Variants in PLB1 observed in about 807,000 individuals in gnomAD.
PLB1 encodes the protein phospholipase B1.
Under a neutral mutation model 227.4 loss-of-function variants are expected in PLB1, and 242 were observed. That is an observed-to-expected ratio of 1.06 (90% confidence interval 0.96 to 1.18). The LOEUF is 1.18. Among genes scored for constraint, PLB1 ranks in the 50% most tolerant of loss-of-function variants. The pLI is 0.00. For synonymous variants in PLB1, 757 were observed against 682.2 expected, an observed-to-expected ratio of 1.11 and a Z score of -1.71; for missense variants, 1,858 against 1,816.3, an observed-to-expected ratio of 1.02 and a Z score of -0.42.
chr2:28,534,734 G>A (rs1394311570), intron 9 of PLB1, among the ~76,000 whole-genome samples: 6 of 152,034 alleles, frequency 3.9e-5, no homozygotes, highest in Non-Finnish European at 7.4e-5. Context: ...GGCACCTGTA[G>A]TCCCAGCTAC....
At chr2:28,620,389 T>C in intron 47 of PLB1, 57 bp downstream of exon 47, 2 of 1,491,096 alleles carry the variant, frequency 1.3e-6, no homozygotes, top group Non-Finnish European at 1.8e-6. Context: ...GAGGTGTGAG[T>C]AGTGTGTTTC....
At chr2:28,582,542 C>T (rs1164330573) in intron 25 of PLB1, 37 bp downstream of exon 25, 1 of 1,512,108 alleles carries the variant, frequency 6.6e-7, no homozygotes, top group Non-Finnish European at 9.1e-7. Context: ...TACTAAGAAT[C>T]CTCACTGCTA....
Position 28,611,818 on chromosome 2 carries a change from C to T in PLB1, c.3130-2213C>T, listed in dbSNP as rs58227498. Among the ~76,000 whole-genome samples, 1,442 of 152,206 alleles carry T rather than the reference C, an allele frequency of 9.5e-3. 26 individuals carry two copies. Among genetic ancestry groups the T allele is most frequent in the African/African-American group, 0.033 (1,377 of 41,528 alleles). On this transcript the variant is annotated intron_variant, in intron 43 of 57. Coordinates refer to ENST00000327757, the MANE Select transcript of PLB1 (RefSeq NM_153021.5). ...TGTAGAGGGTCCAGGGCTCACTTCT[C>T]CCACTTGGCCCTGAGTACCTCTCCT...
At chr2:28,531,499 T>TG (rs1289053047) in intron 8 of PLB1, among the ~76,000 whole-genome samples, 1 of 152,074 alleles carries the variant, frequency 6.6e-6, no homozygotes, top group Non-Finnish European at 1.5e-5. Flanking sequence ...TTAATAGAGA[T>TG]GGGGTTTCTC....
At chr2:28,632,400 A>G (rs1469876623) in intron 55 of PLB1, among the ~76,000 whole-genome samples, 3 of 120,586 alleles carry the variant, frequency 2.5e-5, no homozygotes, top group African/African-American at 5.9e-5. Context: ...ATAGAATGGA[A>G]AGCTTCCTAA....
intron 3 of PLB1, 107 bp from the exon 4 acceptor site, chr2:28,519,598 C>T: frequency 1.2e-6 from 1 of 804,030 alleles, no homozygotes; most frequent in South Asian, 1.6e-5. Flanking sequence ...ACCTCCGCAG[C>T]TGTCCAGGGG....
chr2:28,618,522 C>A, intron 46 of PLB1, 123 bp downstream of exon 46: 1 of 970,538 alleles, frequency 1.0e-6, no homozygotes, highest in Non-Finnish European at 1.6e-6. Context: ...GAGGGCCTAC[C>A]CATGTCAGGC....
chr2:28,573,203 T>C lies in PLB1; in HGVS notation c.1331T>C (p.Leu444Pro). ...CTTTTCCTTGTATTTGCAGACATCC[T>C]CCGGGAATTCAACCCTTCCCTGAAG... ...IGTVTTLANI[L>P]REFNPSLKGF... The change falls in exon 21 of 58, where the codon CTC becomes CCC. Residue 444 changes from leucine to proline, a missense_variant. Physicochemically the swap from Leu to Pro is moderately conservative, Grantham distance 98 (BLOSUM62 -3). Coordinates refer to ENST00000327757, the MANE Select transcript of PLB1 (RefSeq NM_153021.5). The C allele has an allele frequency of 6.2e-7, 1 of 1,612,964 alleles. No individual in the cohort carries two copies. The highest frequency in any genetic ancestry group is 8.5e-7 in the Non-Finnish European group (1 of 1,178,990).
intron 22 of PLB1, among the ~76,000 whole-genome samples, chr2:28,578,609 C>T (rs1679396965): frequency 6.6e-6 from 1 of 152,006 alleles, no homozygotes; most frequent in African/African-American, 2.4e-5. Flanking sequence ...CCCTGGTCTG[C>T]AAGGAGCAGT....
chr2:28,513,426 C>G (rs976958352), intron 1 of PLB1, among the ~76,000 whole-genome samples: 4 of 152,250 alleles, frequency 2.6e-5, no homozygotes, highest in Non-Finnish European at 5.9e-5. Flanking sequence ...AGGGTCCCCC[C>G]TCCTCAATGG....
chr2:28,572,603 C>G (rs565577254), intron 20 of PLB1, among the ~76,000 whole-genome samples: 1 of 152,204 alleles, frequency 6.6e-6, no homozygotes, highest in Non-Finnish European at 1.5e-5. Context: ...CATGCTACAA[C>G]ATGGGTGAAT....
chr2:28,617,593 T>C, intron 44 of PLB1, 134 bp from the exon 45 acceptor site: 2 of 829,192 alleles, frequency 2.4e-6, no homozygotes, highest in Non-Finnish European at 4.1e-6. Flanking sequence ...CACAGTTCTT[T>C]CCCTCACATG....
chr2:28,598,814 A>G, intron 35 of PLB1, 54 bp downstream of exon 35: 2 of 1,456,040 alleles, frequency 1.4e-6, no homozygotes, highest in South Asian at 2.3e-5. Context: ...GAATGTGGAT[A>G]GTACCCTTTA....
chr2:28,583,939 C>T (rs1412852412), intron 25 of PLB1, among the ~76,000 whole-genome samples: 1 of 152,160 alleles, frequency 6.6e-6, no homozygotes, highest in Non-Finnish European at 1.5e-5. Flanking sequence ...TCTCCAGGAC[C>T]GTCAGGAATA....
At chr2:28,630,546 T>G (rs1341306916) in intron 53 of PLB1, 40 bp from the exon 54 acceptor site, 1 of 1,571,554 alleles carries the variant, frequency 6.4e-7, no homozygotes, top group Admixed American at 1.7e-5. Flanking sequence ...AGAGCCACAG[T>G]GCCCCAGGCA....
chr2:28,497,796 G>A (rs1572591726), intron 1 of PLB1, among the ~76,000 whole-genome samples: 1 of 151,348 alleles, frequency 6.6e-6, no homozygotes, highest in Non-Finnish European at 1.5e-5. Flanking sequence ...TCAGCTTACC[G>A]CAACCTCTGC....
chr2:28,547,563 G>A (rs527573307), intron 14 of PLB1, among the ~76,000 whole-genome samples: 1 of 152,290 alleles, frequency 6.6e-6, no homozygotes, highest in Admixed American at 6.5e-5. Context: ...TACCGCTGAG[G>A]AATCTGAAAA....
chr2:28,633,223 C>A (rs1363038463), intron 56 of PLB1, 184 bp downstream of exon 56: 1 of 573,686 alleles, frequency 1.7e-6, no homozygotes, highest in African/African-American at 1.9e-5. Flanking sequence ...TTATCCAACA[C>A]CCTTTGAAAG....
At chr2:28,512,749 GGTCA>G (rs1374328835) in intron 1 of PLB1, among the ~76,000 whole-genome samples, 1 of 150,536 alleles carries the variant, frequency 6.6e-6, no homozygotes, top group East Asian at 1.9e-4. Context: ...ATGGTTTAGT[GGTCA>G]GTCAATGATT....
Sources: gnomAD v4.1 joint callset for allele counts (sites outside exome capture counted in the v4.1 genomes callset) on GRCh38, gnomAD v4.1.1 for gene constraint, MANE v1.5 for transcripts, NCBI Gene and HGNC (gene_info 2026-07-23, HGNC 2026-07-21) for gene names.